The following ATP8A2 variants were observed in gnomAD, a reference collection of about 807,000 sequenced individuals.
ATP8A2 encodes phospholipid-transporting ATPase IB.
ATP8A2 carries 100 observed loss-of-function variants against 165.6 expected under a neutral mutation model. The ratio of observed to expected loss-of-function variants is 0.60; its 90% CI spans 0.51 to 0.71. The LOEUF (loss-of-function observed/expected upper bound fraction) is 0.71, where lower values mean the gene tolerates loss of function less well. Ranked by LOEUF, ATP8A2 falls within the 30% of genes least tolerant of loss-of-function variation. ATP8A2 has a pLI of 0.00. For synonymous variants in ATP8A2, 543 were observed against 548.8 expected (o/e 0.99, Z 0.15); for missense variants, 1,227 against 1,479.5 (o/e 0.83, Z 2.80).
chr13:25,553,737 G>A (rs2038892898), intron 11 of ATP8A2, 56 bp from the exon 12 acceptor site: 1 of 1,541,292 alleles, frequency 6.5e-7, no homozygotes, highest in East Asian at 2.3e-5. Flanking sequence ...ATCTCTAAAT[G>A]AGCCAATAGA....
intron 24 of ATP8A2, among the ~76,000 whole-genome samples, chr13:25,674,989 T>A (rs1483389113): frequency 6.6e-6 from 1 of 152,220 alleles, no homozygotes; most frequent in Non-Finnish European, 1.5e-5. Flanking sequence ...AAGGACCCTT[T>A]ACTTCTTTCT....
chr13:25,765,616 T>C (rs79092558), intron 25 of ATP8A2, among the ~76,000 whole-genome samples: 1,540 of 152,308 alleles, frequency 0.01, 19 homozygotes, highest in African/African-American at 0.035. Flanking sequence ...GCTCCTAAAA[T>C]ACTACCGTAT....
rs111507726 is a variant in ATP8A2 at position 25,822,208 on chromosome 13, T to A, written c.2680-5910T>A. ...TGAGCCGTAATTTCTTTAACCAGCT[T>A]TCAATATACATGCAGGCTCTAGTTC... On this transcript the variant is annotated intron_variant, in intron 27 of 36. Transcript: ENST00000381655. 8.9e-4 allele frequency among the ~76,000 whole-genome samples: 136 copies of A among 152,316 alleles called. 1 individual carries two copies. The highest frequency in any genetic ancestry group is 3.4e-3 in the Middle Eastern group (1 of 294).
chr13:25,862,615 A>C (rs1952391767), intron 33 of ATP8A2, among the ~76,000 whole-genome samples: 1 of 152,214 alleles, frequency 6.6e-6, no homozygotes, highest in Non-Finnish European at 1.5e-5. Flanking sequence ...AGGCATTTGA[A>C]GTTTCAAGTA....
intron 34 of ATP8A2, among the ~76,000 whole-genome samples, chr13:25,966,858 C>G (rs182285252): frequency 6.6e-6 from 1 of 152,300 alleles, no homozygotes; most frequent in Non-Finnish European, 1.5e-5. Context: ...TTCCTCCCAG[C>G]CTGGGAAATA....
At chr13:25,606,085 G>A (rs2040509943) in intron 24 of ATP8A2, among the ~76,000 whole-genome samples, 1 of 152,142 alleles carries the variant, frequency 6.6e-6, no homozygotes, top group Admixed American at 6.5e-5. Context: ...TTGGAAATGT[G>A]GGTATTTTCT....
At chr13:25,687,286 T>C (rs1399201289) in intron 24 of ATP8A2, among the ~76,000 whole-genome samples, 1 of 152,174 alleles carries the variant, frequency 6.6e-6, no homozygotes, top group Non-Finnish European at 1.5e-5. Flanking sequence ...ATGACCCAGG[T>C]GATCTCTTTT....
intron 34 of ATP8A2, among the ~76,000 whole-genome samples, chr13:25,963,930 C>G (rs1955718626): frequency 6.6e-6 from 1 of 152,252 alleles, no homozygotes; most frequent in Admixed American, 6.5e-5. Flanking sequence ...ACACTACTCC[C>G]AGCTTCACCA....
chr13:25,826,613 G>A (rs186582959), intron 27 of ATP8A2, among the ~76,000 whole-genome samples: 1 of 152,294 alleles, frequency 6.6e-6, no homozygotes, highest in Admixed American at 6.5e-5. Context: ...TTGTCATGGT[G>A]TCTGTTCTAT....
chr13:25,735,985 A>G (rs943422563), intron 25 of ATP8A2, among the ~76,000 whole-genome samples: 1 of 152,152 alleles, frequency 6.6e-6, no homozygotes, highest in East Asian at 1.9e-4. Flanking sequence ...TATCTTTTAT[A>G]TCATATTTTT....
chr13:25,837,339 T>C (rs1419752538), intron 29 of ATP8A2, 54 bp downstream of exon 29: 1 of 1,600,924 alleles, frequency 6.2e-7, no homozygotes, highest in East Asian at 2.2e-5. Flanking sequence ...GGCTGTTTGA[T>C]TCTAGTCATC....
intron 33 of ATP8A2, among the ~76,000 whole-genome samples, chr13:25,918,049 A>G (rs1954321340): frequency 6.6e-6 from 1 of 152,244 alleles, no homozygotes; most frequent in South Asian, 2.1e-4. Context: ...GAGAATAATT[A>G]TCTGTAGAGG....
At chr13:25,726,511 T>C (rs897734021) in intron 25 of ATP8A2, among the ~76,000 whole-genome samples, 2 of 152,148 alleles carry the variant, frequency 1.3e-5, no homozygotes, top group African/African-American at 4.8e-5. Context: ...AAATGATAAA[T>C]TCCTCGGCTT....
At chr13:25,693,193 G>A (rs776499668) in intron 24 of ATP8A2, among the ~76,000 whole-genome samples, 3 of 152,154 alleles carry the variant, frequency 2.0e-5, no homozygotes, top group Non-Finnish European at 2.9e-5. Context: ...CTGGGAAAAT[G>A]GATTCTAAGT....
intron 4 of ATP8A2, among the ~76,000 whole-genome samples, chr13:25,531,364 ATATATATATGT>A (rs1291904781): frequency 8.2e-6 from 1 of 122,038 alleles, no homozygotes; most frequent in East Asian, 2.1e-4. Flanking sequence ...GTTATATATG[ATATATATATGT>A]TATATATATG....
intron 25 of ATP8A2, among the ~76,000 whole-genome samples, chr13:25,741,405 G>A (rs1044077054): frequency 6.6e-6 from 1 of 152,242 alleles, no homozygotes; most frequent in South Asian, 2.1e-4. Flanking sequence ...GTTTAGACAG[G>A]GACTTGCTTC....
chr13:25,977,861 C>T (rs1329306610), intron 35 of ATP8A2, among the ~76,000 whole-genome samples: 2 of 152,138 alleles, frequency 1.3e-5, no homozygotes, highest in African/African-American at 4.8e-5. Context: ...AAGAAGTGTC[C>T]TCTTGATGGA....
At chr13:25,905,166 C>G (rs1953895971) in intron 33 of ATP8A2, among the ~76,000 whole-genome samples, 1 of 152,096 alleles carries the variant, frequency 6.6e-6, no homozygotes, top group African/African-American at 2.4e-5. Flanking sequence ...CACCCATCTT[C>G]TCCTCATTCC....
At chr13:25,830,945 C>A (rs1211202259) in intron 28 of ATP8A2, among the ~76,000 whole-genome samples, 1 of 152,122 alleles carries the variant, frequency 6.6e-6, no homozygotes, top group Non-Finnish European at 1.5e-5. Flanking sequence ...TTATCTAATT[C>A]ATCTTAATCC....
Sources: gnomAD v4.1 joint callset for allele counts (sites outside exome capture counted in the v4.1 genomes callset) on GRCh38, gnomAD v4.1.1 for gene constraint, MANE v1.5 for transcripts, NCBI Gene and HGNC (gene_info 2026-07-23, HGNC 2026-07-21) for gene names.